The following SBNO1 variants were observed in gnomAD, a reference collection of about 807,000 sequenced individuals.
SBNO1 encodes protein strawberry notch homolog 1.
A neutral mutation model predicts 173.6 loss-of-function variants in SBNO1; 23 were observed. The ratio of observed to expected loss-of-function variants is 0.13; its 90% CI spans 0.10 to 0.19. The LOEUF is 0.19. SBNO1 is among the 10% of genes least tolerant of loss of function. The pLI is 1.00. For synonymous variants in SBNO1, 632 were observed against 571.5 expected (o/e 1.11, Z -1.51); for missense variants, 1,238 against 1,671.2 (o/e 0.74, Z 4.52).
chr12:123,328,143 G>A (rs924928791), intron 10 of SBNO1, 116 bp from the exon 11 acceptor site: 8 of 762,558 alleles, frequency 1.0e-5, no homozygotes, highest in Admixed American at 5.3e-5. Flanking sequence ...TTTCATGACT[G>A]CAAATACAAA....
chr12:123,350,744 T>C (rs762272741), intron 1 of SBNO1, among the ~76,000 whole-genome samples: 29 of 152,214 alleles, frequency 1.9e-4, no homozygotes, highest in Non-Finnish European at 3.7e-4. Flanking sequence ...AAGATGACAA[T>C]GCAGCAGAGC....
At chr12:123,310,790 C>T (rs1868393811) in intron 25 of SBNO1, among the ~76,000 whole-genome samples, 1 of 152,110 alleles carries the variant, frequency 6.6e-6, no homozygotes, top group Non-Finnish European at 1.5e-5. Context: ...ACCTCAGCCT[C>T]CCAAGGTGCT....
intron 1 of SBNO1, among the ~76,000 whole-genome samples, chr12:123,352,537 C>G (rs1873999496): frequency 1.3e-5 from 2 of 152,158 alleles, no homozygotes; most frequent in Non-Finnish European, 2.9e-5. Context: ...GGTGAACCAC[C>G]CACCTTGGCC....
intron 5 of SBNO1, among the ~76,000 whole-genome samples, chr12:123,338,005 T>C (rs992684778): frequency 2.0e-5 from 3 of 152,106 alleles, no homozygotes; most frequent in Non-Finnish European, 4.4e-5. Context: ...GCCAGGTGCA[T>C]GTGAGATAGC....
At chr12:123,315,126 TCA>T (rs935564443) in intron 23 of SBNO1, among the ~76,000 whole-genome samples, 21 of 152,210 alleles carry the variant, frequency 1.4e-4, no homozygotes, top group Non-Finnish European at 2.6e-4. Flanking sequence ...TTCTGAGAAC[TCA>T]CAGTTAATTC....
intron 1 of SBNO1, among the ~76,000 whole-genome samples, chr12:123,357,222 A>T (rs944970659): frequency 7.9e-5 from 12 of 151,582 alleles, no homozygotes; most frequent in Non-Finnish European, 1.5e-5. Context: ...CGAGGCAGGC[A>T]GATCACTTGA....
intron 20 of SBNO1, 141 bp downstream of exon 20, chr12:123,319,759 G>A (rs1044861404): frequency 5.9e-5 from 41 of 700,770 alleles, no homozygotes; most frequent in Admixed American, 3.9e-4. Context: ...ACAATATTCA[G>A]TATGTACAAT....
Position 123,295,700 on chromosome 12 carries a change from G to C in SBNO1, c.*208C>G, listed in dbSNP as rs2048581474. 2 of 578,462 alleles carry C rather than the reference G, an allele frequency of 3.5e-6. No individual in the cohort carries two copies. Among genetic ancestry groups the C allele is most frequent in the Admixed American group, 5.3e-5 (2 of 37,820 alleles). The allele number at this position is 578,462 out of a possible 1,614,324, so 35.8% of individuals were successfully genotyped here. ...GCAGATGGGAATTATCAGGGGAGAA[G>C]CTAAAGGAAAGACATATGTACCACC... On this transcript the variant is annotated 3_prime_UTR_variant, in exon 32 of 32. Transcript: ENST00000602398.
chr12:123,342,868 C>T (rs1176234497), intron 4 of SBNO1, among the ~76,000 whole-genome samples: 1 of 152,180 alleles, frequency 6.6e-6, no homozygotes, highest in Non-Finnish European at 1.5e-5. Flanking sequence ...ATCAGGAGAG[C>T]TGATCAGCAT....
chr12:123,354,114 G>T lies in SBNO1; in HGVS notation c.1-3673C>A, dbSNP rs543033919. 3.9e-5 allele frequency among the ~76,000 whole-genome samples: 6 copies of T among 152,240 alleles called. No homozygotes were observed. In the East Asian group the frequency reaches 1.2e-3, roughly 30 times the overall value. On this transcript the variant is annotated intron_variant, in intron 1 of 31. Coordinates refer to ENST00000602398, the MANE Select transcript of SBNO1 (RefSeq NM_001167856.3). ...CATTTAAGTACAAAAAAATTTTACT[G>T]AGAAACTTTTTGATGTTCATGTAAG... is the stretch of plus-strand genomic sequence containing the variant.
Position 123,309,557 on chromosome 12 carries a change from G to A in SBNO1, c.3469C>T (p.Arg1157Trp), listed in dbSNP as rs3825141. The change falls in exon 27 of 32, where the codon CGG (arginine) becomes TGG (tryptophan). Residue 1157 changes from arginine (R) to tryptophan (W), a missense_variant. This residue lies in a region of SBNO1 where 351 missense variants were observed against 420.3 expected (regional missense o/e 0.84). Transcript: ENST00000602398. ...LDLGSGDEKV[R>W]KSDVKKFLTP... Reference sequence around the variant, plus strand: ...AGAAACTTTTTAACATCACTTTTCCGCACTTTTTCATCTCCAGAACCAAGA... The same window carrying A: ...AGAAACTTTTTAACATCACTTTTCCACACTTTTTCATCTCCAGAACCAAGA... 18 of 1,613,380 alleles carry A rather than the reference G, an allele frequency of 1.1e-5. No individual in the cohort carries two copies. Among genetic ancestry groups the A allele is most frequent in the Admixed American group, 1.7e-5 (1 of 59,966 alleles).
chr12:123,303,515 GGCACAT>G (rs202157227), intron 29 of SBNO1, among the ~76,000 whole-genome samples: 4,621 of 152,212 alleles, frequency 0.03, 99 homozygotes, highest in Middle Eastern at 0.068. Context: ...CCAGGTGTGT[GGCACAT>G]GCCTATAATC....
rs550811951 is a variant in SBNO1 at position 123,306,152 on chromosome 12, G to C, written c.3631-1433C>G. Among the ~76,000 whole-genome samples, 12 of 152,226 alleles carry C rather than the reference G, an allele frequency of 7.9e-5. No homozygotes were observed. In the South Asian group the frequency reaches 2.3e-3, roughly 29 times the overall value. On this transcript the variant is annotated intron_variant, in intron 28 of 31. Coordinates refer to ENST00000602398, the MANE Select transcript of SBNO1 (RefSeq NM_001167856.3). ...TGTAAAGTCATAAAACAATGGTTAA[G>C]GTGAAGATTATATTTAAAATTATTT...
At chr12:123,357,116 A>G (rs1319496094) in intron 1 of SBNO1, among the ~76,000 whole-genome samples, 1 of 152,228 alleles carries the variant, frequency 6.6e-6, no homozygotes, top group African/African-American at 2.4e-5. Context: ...CAGCAGTTAC[A>G]AAGAAGTTAG....
chr12:123,317,927 A>G (rs1202408339), intron 20 of SBNO1, among the ~76,000 whole-genome samples: 1 of 152,216 alleles, frequency 6.6e-6, no homozygotes, highest in African/African-American at 2.4e-5. Flanking sequence ...TAATACCTGT[A>G]CCTACAATCT....
At position 123,291,946 on chromosome 12, in the gene SBNO1, T is replaced by C. The variant is rs1566014927; in HGVS notation, c.*3962A>G. Reference sequence around the variant, plus strand: ...AAAAAAAAATGCTAGCGAGCTTGAGTTGCAGGTATTTAGGTGTGTTTCTGT... The same window carrying C: ...AAAAAAAAATGCTAGCGAGCTTGAGCTGCAGGTATTTAGGTGTGTTTCTGT... On this transcript the variant is annotated 3_prime_UTR_variant, in exon 32 of 32. Coordinates refer to ENST00000602398, the MANE Select transcript of SBNO1 (RefSeq NM_001167856.3). 1 of 152,038 alleles carries C rather than the reference T, an allele frequency of 6.6e-6. No homozygotes were observed. Among genetic ancestry groups the C allele is most frequent in the Non-Finnish European group, 1.5e-5 (1 of 68,016 alleles). 9.4% of individuals were successfully genotyped at this position (152,038 alleles called of 1,614,324 possible).
intron 1 of SBNO1, among the ~76,000 whole-genome samples, chr12:123,363,218 T>C (rs1272329679): frequency 1.3e-5 from 2 of 152,222 alleles, no homozygotes; most frequent in African/African-American, 4.8e-5. Flanking sequence ...ACAACTTCTT[T>C]AAAAGATGAG....
At chr12:123,343,827 C>T (rs1339312759) in intron 4 of SBNO1, among the ~76,000 whole-genome samples, 6 of 152,146 alleles carry the variant, frequency 3.9e-5, no homozygotes, top group Non-Finnish European at 5.9e-5. Flanking sequence ...TGAGCCACCG[C>T]GTCCGGCCCA....
chr12:123,316,759 A>G (rs1199157446), intron 21 of SBNO1, among the ~76,000 whole-genome samples: 1 of 148,992 alleles, frequency 6.7e-6, no homozygotes, highest in Non-Finnish European at 1.5e-5. Flanking sequence ...CTGGAGTGCA[A>G]TAGCGTGATC....
Sources: allele counts gnomAD v4.1 joint callset (sites outside exome capture counted in the v4.1 genomes callset), GRCh38; gene constraint gnomAD v4.1.1; regional missense constraint gnomAD v4.1.1; transcripts MANE v1.5; gene names NCBI Gene and HGNC (gene_info 2026-07-23, HGNC 2026-07-21).